LURAP1L: variants seen among roughly 807,000 people sequenced by gnomAD.
LURAP1L encodes the protein leucine rich adaptor protein 1-like.
In LURAP1L, 12 loss-of-function variants were observed where a neutral mutation model predicts 13.8. That is an observed-to-expected ratio of 0.87 (90% CI 0.56 to 1.41). The LOEUF (loss-of-function observed/expected upper bound fraction) is 1.41. Ranked by LOEUF, LURAP1L falls within the 40% of genes most tolerant of loss-of-function variation. The pLI, the probability that LURAP1L is intolerant of heterozygous loss-of-function variation, is 0.00. For missense variants in LURAP1L, 375 were observed against 292.9 expected (o/e 1.28, Z -2.04); for synonymous variants, 139 against 119.2 (o/e 1.17, Z -1.08).
intron 1 of LURAP1L, among the ~76,000 whole-genome samples, chr9:12,820,654 C>G (rs1341785156): frequency 7.2e-5 from 11 of 152,076 alleles, no homozygotes. Context: ...TATTTGTACA[C>G]TTCGTCTCAT....
intron 1 of LURAP1L, among the ~76,000 whole-genome samples, chr9:12,784,651 C>G (rs1391908658): frequency 6.6e-6 from 1 of 152,206 alleles, no homozygotes; most frequent in Non-Finnish European, 1.5e-5. Context: ...AAAGCCAACA[C>G]AGTACTTGAT....
At chr9:12,820,847 A>C (rs1304962365) in intron 1 of LURAP1L, among the ~76,000 whole-genome samples, 1 of 152,166 alleles carries the variant, frequency 6.6e-6, no homozygotes, top group Non-Finnish European at 1.5e-5. Context: ...TGTAAAATGA[A>C]GACAAAAATA....
chr9:12,791,529 A>G (rs1452067454), intron 1 of LURAP1L, among the ~76,000 whole-genome samples: 2 of 151,990 alleles, frequency 1.3e-5, no homozygotes. Context: ...TTTTGAAATA[A>G]TTCCAGACTT....
chr9:12,787,432 G>C (rs938341379), intron 1 of LURAP1L, among the ~76,000 whole-genome samples: 1 of 152,128 alleles, frequency 6.6e-6, no homozygotes, highest in Non-Finnish European at 1.5e-5. Flanking sequence ...CATTCAGAGA[G>C]AGTTAGTCTA....
intron 1 of LURAP1L, among the ~76,000 whole-genome samples, chr9:12,817,732 TCA>T (rs2118551011): frequency 6.6e-6 from 1 of 152,276 alleles, no homozygotes; most frequent in Non-Finnish European, 1.5e-5. Flanking sequence ...TGGCTAGACT[TCA>T]TTAAGACTGA....
intron 1 of LURAP1L, among the ~76,000 whole-genome samples, chr9:12,802,087 G>T (rs1445212612): frequency 6.6e-6 from 1 of 152,056 alleles, no homozygotes; most frequent in Non-Finnish European, 1.5e-5. Context: ...TTGGCCTGGT[G>T]TCAGTCTAAG....
At chr9:12,776,109 G>A (rs577351025) in intron 1 of LURAP1L, 82 bp downstream of exon 1, 434 of 1,391,368 alleles carry the variant, frequency 3.1e-4, no homozygotes, top group Non-Finnish European at 4.0e-4. Context: ...GGCTGGGAGA[G>A]AGGACGGCAG....
chr9:12,784,732 G>T lies in LURAP1L; in HGVS notation c.312+8705G>T, dbSNP rs138838544. Among the ~76,000 whole-genome samples the T allele has an allele frequency of 5.5e-4, 83 of 149,676 alleles. 1 individual carries two copies. The East Asian group carries it at 0.017, about 30-fold the overall frequency. On this transcript the variant is annotated intron_variant, in intron 1 of 1. Transcript: ENST00000319264. ...TTATTTAAGGCCCAAGGGCTCTTTA[G>T]TCAGCAGGTGGTGAATCATTCTAAA...
intron 1 of LURAP1L, among the ~76,000 whole-genome samples, chr9:12,805,766 C>T (rs572310357): frequency 6.6e-6 from 1 of 152,234 alleles, no homozygotes; most frequent in East Asian, 1.9e-4. Context: ...TTATTCAGTA[C>T]CTACTAGTCT....
intron 1 of LURAP1L, among the ~76,000 whole-genome samples, chr9:12,779,033 A>G (rs546505903): frequency 6.6e-6 from 1 of 152,326 alleles, no homozygotes; most frequent in East Asian, 1.9e-4. Context: ...AACTAACAAT[A>G]AAATAAAACA....
chr9:12,780,128 G>A (rs1472964838), intron 1 of LURAP1L, among the ~76,000 whole-genome samples: 4 of 152,146 alleles, frequency 2.6e-5, no homozygotes, highest in African/African-American at 9.7e-5. Context: ...ATTCTGTTCA[G>A]GATAAAACTT....
intron 1 of LURAP1L, among the ~76,000 whole-genome samples, chr9:12,805,085 T>G (rs1819638867): frequency 6.6e-6 from 1 of 152,132 alleles, no homozygotes; most frequent in Non-Finnish European, 1.5e-5. Flanking sequence ...CAAGGAAAAT[T>G]TTGTAAACTA....
At chr9:12,791,453 G>T (rs920892009) in intron 1 of LURAP1L, among the ~76,000 whole-genome samples, 3 of 151,926 alleles carry the variant, frequency 2.0e-5, no homozygotes, top group Non-Finnish European at 2.9e-5. Context: ...TTTAATCTCA[G>T]TATTTTTTAT....
chr9:12,821,353 G>A (rs770015488), intron 1 of LURAP1L, 33 bp from the exon 2 acceptor site: 2 of 1,587,798 alleles, frequency 1.3e-6, no homozygotes, highest in East Asian at 2.2e-5. Context: ...GTGTAAAATG[G>A]CTGGAATATC....
intron 1 of LURAP1L, among the ~76,000 whole-genome samples, chr9:12,820,688 AC>A (rs1819866984): frequency 6.6e-6 from 1 of 152,060 alleles, no homozygotes; most frequent in Non-Finnish European, 1.5e-5. Flanking sequence ...CTAGTGTATC[AC>A]CCATCCTTTG....
chr9:12,819,404 T>A (rs1819844507), intron 1 of LURAP1L, among the ~76,000 whole-genome samples: 1 of 152,226 alleles, frequency 6.6e-6, no homozygotes, highest in Non-Finnish European at 1.5e-5. Context: ...TGTTTATTCA[T>A]CATGTTCCCT....
intron 1 of LURAP1L, among the ~76,000 whole-genome samples, chr9:12,797,780 C>G (rs1342771719): frequency 6.6e-6 from 1 of 152,002 alleles, no homozygotes; most frequent in Admixed American, 6.6e-5. Context: ...AATTCATATC[C>G]AAGGGAAAAC....
At chr9:12,787,387 G>A (rs949752957) in intron 1 of LURAP1L, among the ~76,000 whole-genome samples, 1 of 152,090 alleles carries the variant, frequency 6.6e-6, no homozygotes, top group African/African-American at 2.4e-5. Context: ...AACTTAAAAT[G>A]CTGTGACTTT....
At chr9:12,778,981 G>A (rs986090102) in intron 1 of LURAP1L, among the ~76,000 whole-genome samples, 1 of 152,172 alleles carries the variant, frequency 6.6e-6, no homozygotes, top group Admixed American at 6.5e-5. Context: ...CTATTGTAAA[G>A]TTTAATTTAT....
Sources: allele counts gnomAD v4.1 joint callset (sites outside exome capture counted in the v4.1 genomes callset), GRCh38; gene constraint gnomAD v4.1.1; transcripts MANE v1.5; gene names NCBI Gene and HGNC (gene_info 2026-07-23, HGNC 2026-07-21).